The following DAPP1 variants were observed in gnomAD, a reference collection of about 807,000 sequenced individuals.
DAPP1 encodes dual adaptor of phosphotyrosine and 3-phosphoinositides 1, also known as dual adapter for phosphotyrosine and 3-phosphotyrosine and 3-phosphoinositide.
In DAPP1, 20 loss-of-function variants were observed where a neutral mutation model predicts 41.5. The observed-to-expected ratio is 0.48, with a 90% confidence interval of 0.34 to 0.70. The LOEUF is 0.70. Among genes scored for constraint, DAPP1 ranks in the 30% least tolerant of loss-of-function variants. DAPP1 has a pLI of 0.01. For missense variants in DAPP1, 233 were observed against 333.4 expected (o/e 0.70, Z 2.35); for synonymous variants, 113 against 116.2 (o/e 0.97, Z 0.18).
At chr4:99,847,656 C>A (rs962463404) in intron 3 of DAPP1, among the ~76,000 whole-genome samples, 13 of 152,174 alleles carry the variant, frequency 8.5e-5, no homozygotes, top group African/African-American at 3.1e-4. Context: ...CCTCCTGTTG[C>A]CTTTTTCTAA....
chr4:99,860,487 T>G (rs1724200741), intron 4 of DAPP1, among the ~76,000 whole-genome samples: 1 of 152,202 alleles, frequency 6.6e-6, no homozygotes, highest in Admixed American at 6.5e-5. Context: ...ACACCAATTA[T>G]GAGATATCAA....
At chr4:99,830,105 C>T (rs573602998) in intron 1 of DAPP1, among the ~76,000 whole-genome samples, 121 of 152,208 alleles carry the variant, frequency 7.9e-4, no homozygotes, top group Non-Finnish European at 1.6e-3. Context: ...AGTTCTGGCC[C>T]GGCACAGTGG....
At chr4:99,854,989 C>G (rs760052221) in intron 4 of DAPP1, among the ~76,000 whole-genome samples, 1 of 152,192 alleles carries the variant, frequency 6.6e-6, no homozygotes, top group Admixed American at 6.5e-5. Context: ...AGTGCTACAT[C>G]TCCTCAGAAA....
intron 4 of DAPP1, among the ~76,000 whole-genome samples, chr4:99,857,735 C>T (rs549861419): frequency 1.8e-4 from 26 of 145,364 alleles, no homozygotes; most frequent in African/African-American, 3.1e-4. Flanking sequence ...CACACACACA[C>T]ATAAAATAAT....
chr4:99,848,062 C>T (rs1416242338), intron 3 of DAPP1, among the ~76,000 whole-genome samples: 3 of 151,882 alleles, frequency 2.0e-5, no homozygotes, highest in Admixed American at 6.6e-5. Context: ...TCCGCCCCCT[C>T]GGCCTCCAAA....
At chr4:99,839,154 AGT>A (rs1270379217) in intron 2 of DAPP1, among the ~76,000 whole-genome samples, 1 of 151,932 alleles carries the variant, frequency 6.6e-6, no homozygotes, top group Non-Finnish European at 1.5e-5. Context: ...AGGAATGCAC[AGT>A]CTCAGGCCCC....
At chr4:99,824,488 G>C (rs1354845468) in intron 1 of DAPP1, among the ~76,000 whole-genome samples, 1 of 152,134 alleles carries the variant, frequency 6.6e-6, no homozygotes, top group Admixed American at 6.6e-5. Flanking sequence ...CTAAACCATG[G>C]AATAGAGAAG....
intron 7 of DAPP1, 25 bp downstream of exon 7, chr4:99,863,880 T>C: frequency 7.0e-7 from 1 of 1,427,090 alleles, no homozygotes; most frequent in Non-Finnish European, 9.6e-7. Context: ...AAAGAAAACG[T>C]TTTTTAATGT....
intron 4 of DAPP1, among the ~76,000 whole-genome samples, chr4:99,855,419 C>T (rs1419141247): frequency 6.6e-6 from 1 of 152,180 alleles, no homozygotes; most frequent in Non-Finnish European, 1.5e-5. Flanking sequence ...GATATAGTAT[C>T]CTTATGCAGA....
chr4:99,853,167 ACCTT>A, intron 3 of DAPP1, 47 bp from the exon 4 acceptor site: 3 of 1,601,180 alleles, frequency 1.9e-6, no homozygotes, highest in Non-Finnish European at 2.6e-6. Flanking sequence ...TAGCATTTGG[ACCTT>A]CCTTCTGGGA....
chr4:99,855,284 T>G (rs1724006943), intron 4 of DAPP1, among the ~76,000 whole-genome samples: 1 of 152,228 alleles, frequency 6.6e-6, no homozygotes, highest in Non-Finnish European at 1.5e-5. Flanking sequence ...CTTCACATTC[T>G]CCTCTGCTAC....
intron 3 of DAPP1, among the ~76,000 whole-genome samples, chr4:99,852,490 C>T (rs1432866400): frequency 6.6e-6 from 1 of 152,172 alleles, no homozygotes; most frequent in Non-Finnish European, 1.5e-5. Flanking sequence ...TTCCCCAGCC[C>T]CCCATGCCTG....
intron 1 of DAPP1, among the ~76,000 whole-genome samples, chr4:99,828,152 T>A (rs1312651692): frequency 1.3e-5 from 2 of 152,246 alleles, no homozygotes; most frequent in African/African-American, 4.8e-5. Flanking sequence ...ACACTGTTGT[T>A]GTGCATTTCT....
At chr4:99,866,764 C>A in intron 8 of DAPP1, 45 of 415,860 alleles carry the variant, frequency 1.1e-4, no homozygotes, top group East Asian at 1.7e-4. Context: ...TTCTTTTTTT[C>A]TATTTTTTTT....
At chr4:99,847,309 G>A (rs1723697702) in intron 3 of DAPP1, among the ~76,000 whole-genome samples, 1 of 152,130 alleles carries the variant, frequency 6.6e-6, no homozygotes, top group Non-Finnish European at 1.5e-5. Flanking sequence ...CCTAAGAATT[G>A]AGACTGTTCT....
chr4:99,863,700 T>G, intron 6 of DAPP1, 70 bp from the exon 7 acceptor site: 1 of 1,002,214 alleles, frequency 1.0e-6, no homozygotes, highest in Non-Finnish European at 1.5e-6. Flanking sequence ...GGGGAATAAG[T>G]GAGGGACAGA....
At chr4:99,837,606 A>C (rs1723345918) in intron 2 of DAPP1, among the ~76,000 whole-genome samples, 1 of 152,232 alleles carries the variant, frequency 6.6e-6, no homozygotes, top group Non-Finnish European at 1.5e-5. Flanking sequence ...TTAAAAGTTC[A>C]TCTAATGGTT....
chr4:99,847,622 ATTC>A lies in DAPP1; in HGVS notation c.359-5590_359-5588del, dbSNP rs1723709151. 2.6e-5 allele frequency among the ~76,000 whole-genome samples: 4 copies of A among 152,238 alleles called. No homozygotes were observed. In the South Asian group the frequency reaches 8.3e-4, roughly 32 times the overall value. ...AGGCCTGTGGTTACTGGTCTTCCTC[ATTC>A]TTCTTGCTCTGCTACCCCTGCCTCC... On this transcript the variant is annotated intron_variant, in intron 3 of 8. Transcript: ENST00000512369.
chr4:99,853,903 C>A (rs923378588), intron 4 of DAPP1, among the ~76,000 whole-genome samples: 1 of 152,142 alleles, frequency 6.6e-6, no homozygotes, highest in Non-Finnish European at 1.5e-5. Flanking sequence ...CTTAGTTAAC[C>A]AAACAACTTC....
Sources: allele counts gnomAD v4.1 joint callset (sites outside exome capture counted in the v4.1 genomes callset), GRCh38; gene constraint gnomAD v4.1.1; transcripts MANE v1.5; gene names NCBI Gene and HGNC (gene_info 2026-07-23, HGNC 2026-07-21).